WDR1: variants seen among roughly 807,000 people sequenced by gnomAD.
WDR1 encodes the protein WD repeat-containing protein 1.
WDR1 carries 21 observed loss-of-function variants against 71.9 expected under a neutral mutation model. That is an observed-to-expected ratio of 0.29 (90% confidence interval 0.21 to 0.42). The LOEUF (loss-of-function observed/expected upper bound fraction) is 0.42, where lower values mean the gene tolerates loss of function less well. Ranked by LOEUF, WDR1 falls within the 10% of genes least tolerant of loss-of-function variation. The pLI is 1.00. For missense variants in WDR1, 696 were observed against 824.5 expected (o/e 0.84, Z 1.91); for synonymous variants, 424 against 347.4 (o/e 1.22, Z -2.45).
chr4:10,079,747 T>G (rs1764943465), intron 11 of WDR1, among the ~76,000 whole-genome samples: 1 of 152,180 alleles, frequency 6.6e-6, no homozygotes, highest in Non-Finnish European at 1.5e-5. Flanking sequence ...CGTCTGGGCT[T>G]CTGTTTCTGC....
At chr4:10,085,459 C>A (rs1380482313) in intron 8 of WDR1, among the ~76,000 whole-genome samples, 1 of 152,224 alleles carries the variant, frequency 6.6e-6, no homozygotes, top group African/African-American at 2.4e-5. Context: ...GTAAGAGACA[C>A]TGAGCTGGGC....
intron 10 of WDR1, among the ~76,000 whole-genome samples, chr4:10,082,085 T>C (rs1315509510): frequency 1.3e-5 from 2 of 152,180 alleles, no homozygotes; most frequent in African/African-American, 4.8e-5. Flanking sequence ...GAAGACCCTT[T>C]TATGGGACGT....
chr4:10,105,513 T>A (rs889246559), intron 2 of WDR1, among the ~76,000 whole-genome samples: 13 of 152,256 alleles, frequency 8.5e-5, no homozygotes, highest in African/African-American at 3.1e-4. Context: ...AGTAAGCACA[T>A]GAAAAAGCGC....
chr4:10,081,432 A>G lies in WDR1; in HGVS notation c.1209T>C (p.Val403=), dbSNP rs776538887. ...LMLRDYSGQG[V]VKLDVQPKCV... ...ACTTTGGCTGAACGTCCAGTTTCAC[A>G]ACTCCTTGTCCGCTGTTAGAGAGAA... The change falls in exon 11 of 15, where the codon GTT becomes GTC. Residue 403 remains valine, a synonymous_variant. Transcript: ENST00000499869. 1 of 1,613,860 alleles carries G rather than the reference A, an allele frequency of 6.2e-7. No individual in the cohort carries two copies. Among genetic ancestry groups the G allele is most frequent in the East Asian group, 2.2e-5 (1 of 44,868 alleles).
At chr4:10,112,228 G>C (rs1258042950) in intron 2 of WDR1, among the ~76,000 whole-genome samples, 1 of 152,148 alleles carries the variant, frequency 6.6e-6, no homozygotes, top group African/African-American at 2.4e-5. Context: ...ATAAGAGGCA[G>C]AGGTGATGCA....
chr4:10,077,234 A>G, intron 14 of WDR1, 70 bp downstream of exon 14: 1 of 1,591,230 alleles, frequency 6.3e-7, no homozygotes, highest in Non-Finnish European at 8.6e-7. Context: ...GCCAGGGGAC[A>G]GCCTGTGAGG....
Position 10,082,940 on chromosome 4 carries a change from G to C in WDR1, c.1196+82C>G, listed in dbSNP as rs1032046761. 4.6e-6 allele frequency: 7 copies of C among 1,518,234 alleles called. No individual in the cohort carries two copies. In the Admixed American group the frequency reaches 1.2e-4, roughly 27 times the overall value. 94.0% of individuals were successfully genotyped at this position (1,518,234 alleles called of 1,614,324 possible). ...AAAGGAGCAAGTGAGGCGTCCTCCA[G>C]AACAGTAACTGCTGGAGGGCACAAG... On this transcript the variant is annotated intron_variant, in intron 10 of 14. Transcript: ENST00000499869.
At position 10,077,412 on chromosome 4, in the gene WDR1, C is replaced by G. The variant is rs779743811; in HGVS notation, c.1606G>C (p.Val536Leu). The change falls in exon 14 of 15, where the codon GTC becomes CTC. Residue 536 changes from valine to leucine, a missense_variant. Val to Leu is a conservative substitution (Grantham distance 32). Coordinates refer to ENST00000499869, the MANE Select transcript of WDR1 (RefSeq NM_017491.5). ...NVFYGHHAKI[V>L]CLAWSPDNEH... ...TTGTCTGGGGACCAGGCCAGGCAGA[C>G]GATTTTTGCATGGTGTCCATAAAAA... The G allele has an allele frequency of 2.5e-6, 4 of 1,613,970 alleles. No individual in the cohort carries two copies. Among genetic ancestry groups the G allele is most frequent in the Non-Finnish European group, 3.4e-6 (4 of 1,179,862 alleles).
rs116545541 is a variant in WDR1, at chr4:10,079,776, G to A, written c.1285-775C>T. ...TTTCTGCGTGGATTGTGGGTGGATCGCGATGAATGGTAGCAGCACCCTGAC... is the reference window on the plus strand; with the variant it reads ...TTTCTGCGTGGATTGTGGGTGGATCACGATGAATGGTAGCAGCACCCTGAC... On this transcript the variant is annotated intron_variant, in intron 11 of 14. Coordinates refer to ENST00000499869, the MANE Select transcript of WDR1 (RefSeq NM_017491.5). 4.4e-3 allele frequency among the ~76,000 whole-genome samples: 668 copies of A among 152,268 alleles called. 9 individuals carry two copies. Among genetic ancestry groups the A allele is most frequent in the African/African-American group, 0.015 (627 of 41,528 alleles).
At chr4:10,101,601 G>T (rs1171930375) in intron 3 of WDR1, among the ~76,000 whole-genome samples, 2 of 152,266 alleles carry the variant, frequency 1.3e-5, no homozygotes, top group Admixed American at 6.5e-5. Flanking sequence ...AGGGAGGACA[G>T]CGTCCCACGA....
At chr4:10,115,963 G>T in intron 2 of WDR1, 150 bp downstream of exon 2, 2 of 1,064,924 alleles carry the variant, frequency 1.9e-6, no homozygotes, top group African/African-American at 1.6e-5. Flanking sequence ...GGCTTCCGGG[G>T]CTCCGAGGTG....
intron 3 of WDR1, among the ~76,000 whole-genome samples, chr4:10,102,627 G>A (rs772803657): frequency 1.1e-4 from 17 of 152,272 alleles, no homozygotes; most frequent in Non-Finnish European, 2.5e-4. Context: ...TGTGTTAGTC[G>A]TAAATTACCC....
intron 12 of WDR1, among the ~76,000 whole-genome samples, chr4:10,078,242 G>A (rs1316744945): frequency 9.2e-5 from 14 of 152,216 alleles, no homozygotes; most frequent in Non-Finnish European, 2.1e-4. Context: ...GACCCACCCA[G>A]CCCCTAGCAT....
chr4:10,116,376 A>C, intron 1 of WDR1, 142 bp from the exon 2 acceptor site: 1 of 1,278,952 alleles, frequency 7.8e-7, no homozygotes, highest in Non-Finnish European at 1.1e-6. Context: ...CACGAGCGCC[A>C]GGAACCGCGC....
intron 8 of WDR1, 43 bp downstream of exon 8, chr4:10,087,664 C>G (rs904116376): frequency 6.6e-7 from 1 of 1,522,532 alleles, no homozygotes; most frequent in African/African-American, 1.4e-5. Context: ...GGTCTCTTCC[C>G]TGTCCACCCA....
chr4:10,108,837 C>G (rs1713181099), intron 2 of WDR1, among the ~76,000 whole-genome samples: 1 of 152,250 alleles, frequency 6.6e-6, no homozygotes, highest in Admixed American at 6.5e-5. Flanking sequence ...GAAATCATCT[C>G]TCCCACCCTG....
At chr4:10,101,822 T>G (rs920546390) in intron 3 of WDR1, among the ~76,000 whole-genome samples, 6 of 152,258 alleles carry the variant, frequency 3.9e-5, no homozygotes, top group African/African-American at 1.4e-4. Flanking sequence ...AAGACACTTC[T>G]AAGAGCATTC....
At chr4:10,088,927 T>C (rs991407732) in intron 5 of WDR1, among the ~76,000 whole-genome samples, 186 bp from the exon 6 acceptor site, 1 of 152,124 alleles carries the variant, frequency 6.6e-6, no homozygotes, top group African/African-American at 2.4e-5. Context: ...AGGAGTCTGC[T>C]CCAGCCTGCC....
At chr4:10,093,086 TAC>T in intron 5 of WDR1, 1 of 1,289,300 alleles carries the variant, frequency 7.8e-7, no homozygotes, top group Non-Finnish European at 1.0e-6. Flanking sequence ...CATAATTAAG[TAC>T]CACACCCATG....
Sources: gnomAD v4.1 joint callset for allele counts (sites outside exome capture counted in the v4.1 genomes callset) on GRCh38, gnomAD v4.1.1 for gene constraint, MANE v1.5 for transcripts, NCBI Gene and HGNC (gene_info 2026-07-23, HGNC 2026-07-21) for gene names.